COIL: variants seen among roughly 807,000 people sequenced by gnomAD.
COIL encodes coilin p80.
In COIL, 28 loss-of-function variants were observed where a neutral mutation model predicts 51.6. That is an observed-to-expected ratio of 0.54 (90% CI 0.40 to 0.74). The LOEUF (loss-of-function observed/expected upper bound fraction) is 0.74, where lower values mean the gene tolerates loss of function less well. Ranked by LOEUF, COIL falls within the 30% of genes least tolerant of loss-of-function variation. COIL has a pLI of 0.00. For synonymous variants in COIL, 233 were observed against 255.8 expected (o/e 0.91, Z 0.85); for missense variants, 667 against 685.9 (o/e 0.97, Z 0.31).
intron 1 of COIL, among the ~76,000 whole-genome samples, chr17:56,960,484 A>C (rs1417711879): frequency 6.6e-6 from 1 of 151,708 alleles, no homozygotes; most frequent in Non-Finnish European, 1.5e-5. Flanking sequence ...AGATCGCGCC[A>C]CTGTACTCCA....
At chr17:56,953,251 A>C (rs1910411904) in intron 1 of COIL, among the ~76,000 whole-genome samples, 1 of 151,936 alleles carries the variant, frequency 6.6e-6, no homozygotes, top group Non-Finnish European at 1.5e-5. Context: ...CTCTACTAAA[A>C]ATACAAAAAA....
rs1323902627 is a variant in COIL, at chr17:56,944,678, C to T, written c.1558+1764G>A. On this transcript the variant is annotated intron_variant, in intron 5 of 6. Coordinates refer to ENST00000240316, the MANE Select transcript of COIL (RefSeq NM_004645.3). ...AACGAACTTTGTTCAAAAACTCTTT[C>T]GACTGATTTCTGTTAGCTGAATCTT... is the stretch of plus-strand genomic sequence containing the variant. 5.3e-5 allele frequency among the ~76,000 whole-genome samples: 8 copies of T among 152,026 alleles called. No homozygotes were observed. The East Asian group carries it at 5.8e-4, about 11-fold the overall frequency.
At position 56,958,412 on chromosome 17, in the gene COIL, A is replaced by G. The variant is rs781471872; in HGVS notation, c.245+2363T>C. Among the ~76,000 whole-genome samples the G allele has an allele frequency of 2.0e-5, 3 of 152,236 alleles. No homozygotes were observed. In the South Asian group the frequency reaches 6.2e-4, roughly 31 times the overall value. ...ACAATGATTGTGGACATAAAACAAC[A>G]AAAACAAAGACGAACTTTCCAGATT... On this transcript the variant is annotated intron_variant, in intron 1 of 6. Transcript: ENST00000240316.
Position 56,949,777 on chromosome 17 carries a change from AGT to A in COIL, c.1354-12_1354-11del, listed in dbSNP as rs750499729. The stretch of plus-strand genomic sequence containing the variant: ...GTGTCTCTACTGGATTCTGAAAAAC[AGT>A]GTTAGTCATGTGACATCATCACTGG... On this transcript the variant is annotated splice_polypyrimidine_tract_variant and intron_variant, in intron 2 of 6. Transcript: ENST00000240316. 7 of 1,613,636 alleles carry A rather than the reference AGT, an allele frequency of 4.3e-6. No individual in the cohort carries two copies. The Middle Eastern group carries it at 6.6e-4, about 152-fold the overall frequency.
chr17:56,950,239 C>T lies in COIL; in HGVS notation c.1003G>A (p.Glu335Lys), dbSNP rs1269230833. 2 of 1,614,190 alleles carry T rather than the reference C, an allele frequency of 1.2e-6. No homozygotes were observed. Among genetic ancestry groups the T allele is most frequent in the South Asian group, 1.1e-5 (1 of 91,086 alleles). ...DQCLMSSSTPECAAGFLKTVG... is the reference protein window; with the variant it reads ...DQCLMSSSTPKCAAGFLKTVG... ...GTCTTTAAGAAACCCGCAGCACACT[C>T]CGGGGTGCTCGATGACATCAAGCAT... is the stretch of plus-strand genomic sequence containing the variant. Residue 335 changes from glutamate (E) to lysine (K), a missense_variant, in exon 2 of 7, where the codon GAG becomes AAG. By Grantham distance (56) the Glu-to-Lys change is moderately conservative. Transcript: ENST00000240316.
Position 56,950,422 on chromosome 17 carries a change from T to C in COIL, c.820A>G (p.Lys274Glu). 1 of 1,614,214 alleles carries C rather than the reference T, an allele frequency of 6.2e-7. No individual in the cohort carries two copies. Among genetic ancestry groups the C allele is most frequent in the Non-Finnish European group, 8.5e-7 (1 of 1,180,044 alleles). ...VTLEARNSSE[K>E]LPTELSKEEP... The stretch of plus-strand genomic sequence containing the variant: ...TCCTTTGATAACTCAGTTGGTAATT[T>C]CTCTGAGGAATTTCTGGCCTCCAAA... The change falls in exon 2 of 7, where the codon AAA becomes GAA. Residue 274 changes from lysine to glutamate, a missense_variant. Coordinates refer to ENST00000240316, the MANE Select transcript of COIL (RefSeq NM_004645.3).
Position 56,946,504 on chromosome 17 carries a change from C to T in COIL, c.1496G>A (p.Arg499Lys). 1 of 1,607,814 alleles carries T rather than the reference C, an allele frequency of 6.2e-7. No individual in the cohort carries two copies. The highest frequency in any genetic ancestry group is 8.5e-7 in the Non-Finnish European group (1 of 1,175,366). The change falls in exon 5 of 7, where the codon AGA becomes AAA. Residue 499 changes from arginine to lysine, a missense_variant. By Grantham distance (26) the Arg-to-Lys change is conservative. Transcript: ENST00000240316. ...GGTCTCTGGATTGTGGCTTAATATT[C>T]TTCCTTCCTTTCAAAAATAAAAGTC... ...SPDVSDYKEG[R>K]ILSHNPETQQ... is the part of the protein sequence containing the mutation.
intron 4 of COIL, among the ~76,000 whole-genome samples, chr17:56,946,923 T>G (rs1196764311): frequency 6.6e-6 from 1 of 152,144 alleles, no homozygotes; most frequent in Non-Finnish European, 1.5e-5. Context: ...ATCCTAATGG[T>G]GCAGCCTCGG....
chr17:56,941,787 T>G (rs1910153488), intron 6 of COIL, among the ~76,000 whole-genome samples: 1 of 152,232 alleles, frequency 6.6e-6, no homozygotes, highest in African/African-American at 2.4e-5. Context: ...CCTTTCCTAC[T>G]GGAATCCTTA....
intron 5 of COIL, among the ~76,000 whole-genome samples, chr17:56,942,762 C>T (rs940637379): frequency 6.6e-6 from 1 of 152,112 alleles, no homozygotes; most frequent in South Asian, 2.1e-4. Flanking sequence ...GTGATCTGCC[C>T]GCCTCGGCCT....
Position 56,960,369 on chromosome 17 carries a change from C to T in COIL, c.245+406G>A, listed in dbSNP as rs984364371. Reference sequence around the variant, plus strand: ...TGAAACCCCATCTCTACTAAAAATACAAAAATTAGCCGGGCGTGGTGGCGG... The same window carrying T: ...TGAAACCCCATCTCTACTAAAAATATAAAAATTAGCCGGGCGTGGTGGCGG... On this transcript the variant is annotated intron_variant, in intron 1 of 6. Coordinates refer to ENST00000240316, the MANE Select transcript of COIL (RefSeq NM_004645.3). Among the ~76,000 whole-genome samples the T allele has an allele frequency of 2.2e-5, 3 of 136,806 alleles. No individual in the cohort carries two copies. The Admixed American group carries it at 2.2e-4, about 10-fold the overall frequency. 89.8% of individuals were successfully genotyped at this position (136,806 alleles called of 152,430 possible).
Position 56,960,862 on chromosome 17 carries a change from G to A in COIL, c.158C>T (p.Ser53Phe). 1 of 1,613,740 alleles carries A rather than the reference G, an allele frequency of 6.2e-7. No individual in the cohort carries two copies. Among genetic ancestry groups the A allele is most frequent in the Non-Finnish European group, 8.5e-7 (1 of 1,179,834 alleles). ...CAGGTAGAGGCCTAGGAAGGCCCCA[G>A]AACTGAAGCCGAAGCGCTGGCGGAT... The part of the protein sequence containing the change: ...SLIRQRFGFS[S>F]GAFLGLYLEG... The change falls in exon 1 of 7, where the codon TCT becomes TTT. Residue 53 changes from serine (S) to phenylalanine (F), a missense_variant. Physicochemically the swap from Ser to Phe is radical, Grantham distance 155. Transcript: ENST00000240316.
At chr17:56,943,686 T>C (rs1292809108) in intron 5 of COIL, among the ~76,000 whole-genome samples, 1 of 152,200 alleles carries the variant, frequency 6.6e-6, no homozygotes, top group African/African-American at 2.4e-5. Flanking sequence ...GTTATTTATG[T>C]TATATAGTGA....
At chr17:56,949,076 C>G (rs1910305008) in intron 4 of COIL, among the ~76,000 whole-genome samples, 1 of 152,038 alleles carries the variant, frequency 6.6e-6, no homozygotes, top group African/African-American at 2.4e-5. Context: ...GAGTTTGAGA[C>G]CAACCTGGGC....
In COIL at chr17:56,960,919, C is replaced by T. The variant is rs1422132604; in HGVS notation, c.101G>A (p.Arg34Lys). ...TAFWLLVDLN[R>K]CRVVTDLISL... ...AATGAGATCTGTGACGACTCGGCAT[C>T]TGTTCAAGTCGACCAGAAGCCAGAA... Residue 34 changes from arginine to lysine, a missense_variant, in exon 1 of 7, where the codon AGA becomes AAA. By Grantham distance (26) the Arg-to-Lys change is conservative. Transcript: ENST00000240316. 6.2e-7 allele frequency: 1 copy of T among 1,614,214 alleles called. No homozygotes were observed. The highest frequency in any genetic ancestry group is 1.7e-5 in the Admixed American group (1 of 60,030).
chr17:56,946,465 A>G lies in COIL; in HGVS notation c.1535T>C (p.Ile512Thr), dbSNP rs1910251443. 1.2e-6 allele frequency: 2 copies of G among 1,610,506 alleles called. No homozygotes were observed. Among genetic ancestry groups the G allele is most frequent in the Non-Finnish European group, 1.7e-6 (2 of 1,177,234 alleles). The change falls in exon 5 of 7, where the codon ATA (isoleucine) becomes ACA (threonine). Residue 512 changes from isoleucine (I) to threonine (T), a missense_variant. By Grantham distance (89) the Ile-to-Thr change is moderately conservative (BLOSUM62 -1). Coordinates refer to ENST00000240316, the MANE Select transcript of COIL (RefSeq NM_004645.3). ...SHNPETQQVD[I>T]EILSSLPALR... ...ACCAGGTAAGGATGAAAGAATTTCT[A>G]TATCTACTTGCTGGGTCTCTGGATT...
rs765240091 is a variant in COIL, at chr17:56,950,114, T to C, written c.1128A>G (p.Gly376=). ...GWRRSGSNGG[G]QAPGASPSVS... is the part of the protein sequence containing the mutation. ...CACTGGGAGAAGCACCAGGAGCCTG[T>C]CCACCACCATTTGAGCCAGAACGCC... is the stretch of plus-strand genomic sequence containing the variant. Residue 376 remains glycine (G), a synonymous_variant, in exon 2 of 7, where the codon GGA becomes GGG. Coordinates refer to ENST00000240316, the MANE Select transcript of COIL (RefSeq NM_004645.3). 1.9e-6 allele frequency: 3 copies of C among 1,614,134 alleles called. No homozygotes were observed. The highest frequency in any genetic ancestry group is 3.3e-5 in the Admixed American group (2 of 60,012).
chr17:56,949,320 G>T, intron 4 of COIL, 67 bp downstream of exon 4: 2 of 1,232,898 alleles, frequency 1.6e-6, no homozygotes, highest in Non-Finnish European at 2.3e-6. Flanking sequence ...ATCCATACAA[G>T]TAGTATTAAA....
intron 1 of COIL, among the ~76,000 whole-genome samples, chr17:56,960,502 T>C (rs62072740): frequency 0.18 from 26,424 of 150,418 alleles, 2,620 homozygotes; most frequent in African/African-American, 0.26. Context: ...CCAGCCTGGG[T>C]GACAAAGCAG....
Sources: gnomAD v4.1 joint callset for allele counts (sites outside exome capture counted in the v4.1 genomes callset) on GRCh38, gnomAD v4.1.1 for gene constraint, MANE v1.5 for transcripts, NCBI Gene and HGNC (gene_info 2026-07-23, HGNC 2026-07-21) for gene names.